The following IKZF3 variants were observed in gnomAD, a reference collection of about 807,000 sequenced individuals.
The protein encoded by IKZF3 is IKAROS family zinc finger 3.
IKZF3 carries 10 observed loss-of-function variants against 49.0 expected under a neutral mutation model. The ratio of observed to expected loss-of-function variants is 0.20; its 90% CI spans 0.13 to 0.35. The LOEUF (loss-of-function observed/expected upper bound fraction) is 0.35, where lower values mean the gene tolerates loss of function less well. IKZF3 is among the 10% of genes least tolerant of loss of function. The pLI is 1.00. For synonymous variants in IKZF3, 209 were observed against 228.2 expected, an observed-to-expected ratio of 0.92 and a Z score of 0.76; for missense variants, 498 against 664.8, an observed-to-expected ratio of 0.75 and a Z score of 2.76.
chr17:39,758,334 C>CCCA lies in IKZF3; in HGVS notation c.*7453_*7455dup, dbSNP rs2143464494. Reference sequence around the variant, plus strand: ...GTTTCTGTGAACCCACAGAAGCAGGCCCACCAAAAAGGGCCTTGTCTGCTA... The same window carrying CCCA: ...GTTTCTGTGAACCCACAGAAGCAGGCCCACCACCAAAAAGGGCCTTGTCTGCTA... On this transcript the variant is annotated 3_prime_UTR_variant, in exon 8 of 8. Transcript: ENST00000346872. The CCCA allele has an allele frequency of 6.6e-6, 1 of 152,272 alleles. No individual in the cohort carries two copies. Among genetic ancestry groups the CCCA allele is most frequent in the East Asian group, 1.9e-4 (1 of 5,188 alleles). The allele number at this position is 152,272 out of a possible 1,614,324, so 9.4% of individuals were successfully genotyped here.
At chr17:39,860,172 G>A (rs185004827) in intron 1 of IKZF3, among the ~76,000 whole-genome samples, 46 of 152,216 alleles carry the variant, frequency 3.0e-4, no homozygotes, top group African/African-American at 1.0e-3. Flanking sequence ...AGAAGGTTGA[G>A]GCAGGAGGAT....
At chr17:39,834,195 T>C (rs981688891) in intron 1 of IKZF3, among the ~76,000 whole-genome samples, 1 of 152,204 alleles carries the variant, frequency 6.6e-6, no homozygotes, top group African/African-American at 2.4e-5. Flanking sequence ...GTCTCTTGAG[T>C]CAATACCTAG....
chr17:39,788,007 TAAG>T (rs1253253303), intron 6 of IKZF3, among the ~76,000 whole-genome samples: 4 of 152,220 alleles, frequency 2.6e-5, no homozygotes, highest in Non-Finnish European at 5.9e-5. Context: ...CTCACCCTGT[TAAG>T]AAGTCTGTTA....
intron 6 of IKZF3, among the ~76,000 whole-genome samples, chr17:39,782,081 C>T (rs2060756918): frequency 6.6e-6 from 1 of 152,156 alleles, no homozygotes; most frequent in Non-Finnish European, 1.5e-5. Flanking sequence ...TGAACACACT[C>T]CTACTGATTC....
intron 1 of IKZF3, among the ~76,000 whole-genome samples, chr17:39,843,344 C>G: frequency 6.6e-6 from 1 of 151,854 alleles, no homozygotes; most frequent in South Asian, 2.1e-4. Context: ...TTTTTTTGTG[C>G]TGTATTGCAA....
intron 5 of IKZF3, among the ~76,000 whole-genome samples, chr17:39,788,579 A>T (rs2060929790): frequency 6.6e-6 from 1 of 152,232 alleles, no homozygotes; most frequent in African/African-American, 2.4e-5. Context: ...AGTATTCTTC[A>T]AAAGGATCGC....
chr17:39,845,734 T>A (rs1009433761), intron 1 of IKZF3, among the ~76,000 whole-genome samples: 1 of 152,164 alleles, frequency 6.6e-6, no homozygotes, highest in Non-Finnish European at 1.5e-5. Context: ...AATACTTCTA[T>A]GTTTACTTTC....
chr17:39,856,000 G>T (rs918626473), intron 1 of IKZF3, among the ~76,000 whole-genome samples: 1 of 148,212 alleles, frequency 6.7e-6, no homozygotes, highest in African/African-American at 2.5e-5. Context: ...TATTGTATAT[G>T]TACAATATAA....
At chr17:39,823,944 T>C (rs2061884603) in intron 3 of IKZF3, among the ~76,000 whole-genome samples, 1 of 152,332 alleles carries the variant, frequency 6.6e-6, no homozygotes, top group Admixed American at 6.5e-5. Context: ...GAGTCCCCAC[T>C]GGAACACCGT....
At chr17:39,830,744 G>A (rs1029343314) in intron 2 of IKZF3, among the ~76,000 whole-genome samples, 1 of 152,164 alleles carries the variant, frequency 6.6e-6, no homozygotes, top group Non-Finnish European at 1.5e-5. Flanking sequence ...ATAAAAAATA[G>A]TCAAAGACAC....
intron 1 of IKZF3, among the ~76,000 whole-genome samples, chr17:39,844,389 G>A (rs2062566924): frequency 6.6e-6 from 1 of 152,126 alleles, no homozygotes; most frequent in African/African-American, 2.4e-5. Flanking sequence ...CTGCCTCAAG[G>A]CCTTTGCATT....
intron 1 of IKZF3, among the ~76,000 whole-genome samples, chr17:39,837,813 A>AT (rs544483382): frequency 9.6e-4 from 137 of 143,426 alleles, no homozygotes; most frequent in Non-Finnish European, 1.5e-3. Context: ...TAATTTTTGT[A>AT]TTTTTTTTTT....
At chr17:39,845,076 C>T (rs182200579) in intron 1 of IKZF3, among the ~76,000 whole-genome samples, 8 of 152,258 alleles carry the variant, frequency 5.3e-5, no homozygotes, top group South Asian at 4.1e-4. Flanking sequence ...TCCCTATGAA[C>T]GCACTAGATG....
intron 3 of IKZF3, among the ~76,000 whole-genome samples, chr17:39,803,699 G>A (rs1266345296): frequency 6.6e-6 from 1 of 152,126 alleles, no homozygotes. Flanking sequence ...TTTTAGTAGA[G>A]GCAGGGTTTC....
At chr17:39,856,535 G>T (rs1170413780) in intron 1 of IKZF3, among the ~76,000 whole-genome samples, 2 of 152,148 alleles carry the variant, frequency 1.3e-5, no homozygotes, top group African/African-American at 4.8e-5. Flanking sequence ...TTACAGCGTG[G>T]TGGCTCATGC....
intron 1 of IKZF3, among the ~76,000 whole-genome samples, chr17:39,856,772 C>T (rs1051335840): frequency 3.3e-5 from 5 of 151,842 alleles, no homozygotes; most frequent in Non-Finnish European, 7.4e-5. Context: ...CACCACTGCA[C>T]TCCAGCCTGG....
At chr17:39,861,688 A>T (rs1227005773) in intron 1 of IKZF3, among the ~76,000 whole-genome samples, 1 of 152,118 alleles carries the variant, frequency 6.6e-6, no homozygotes, top group East Asian at 1.9e-4. Flanking sequence ...ACTACCACAA[A>T]ATCTATGTGG....
intron 1 of IKZF3, among the ~76,000 whole-genome samples, chr17:39,856,008 TA>T (rs1218055777): frequency 6.1e-5 from 9 of 147,936 alleles, no homozygotes; most frequent in East Asian, 1.9e-4. Flanking sequence ...ATGTACAATA[TA>T]ACATGTATAT....
chr17:39,832,490 GGTATATATATATATATGTACATATATAT>G, intron 1 of IKZF3, among the ~76,000 whole-genome samples: 1 of 149,532 alleles, frequency 6.7e-6, no homozygotes, highest in South Asian at 2.1e-4. Flanking sequence ...AGTTCAAAGT[GGTATATATATATATATGTACATATATAT>G]GTACATATAT....
Sources: gnomAD v4.1 joint callset for allele counts (sites outside exome capture counted in the v4.1 genomes callset) on GRCh38, gnomAD v4.1.1 for gene constraint, MANE v1.5 for transcripts, NCBI Gene and HGNC (gene_info 2026-07-23, HGNC 2026-07-21) for gene names.